DNASE1L3: variants seen among roughly 807,000 people sequenced by gnomAD.
The protein encoded by DNASE1L3 is deoxyribonuclease gamma.
DNASE1L3 carries 27 observed loss-of-function variants against 30.9 expected under a neutral mutation model. The ratio of observed to expected loss-of-function variants is 0.87; its 90% CI spans 0.64 to 1.20. DNASE1L3 has a LOEUF of 1.20. Ranked by LOEUF, DNASE1L3 falls within the 50% of genes most tolerant of loss-of-function variation. The pLI, the probability that DNASE1L3 is intolerant of heterozygous loss-of-function variation, is 0.00. For synonymous variants in DNASE1L3, 135 were observed against 138.0 expected (o/e 0.98, Z 0.15); for missense variants, 364 against 378.2 (o/e 0.96, Z 0.31).
intron 3 of DNASE1L3, among the ~76,000 whole-genome samples, chr3:58,205,146 A>C (rs955692909): frequency 8.5e-5 from 13 of 152,230 alleles, no homozygotes; most frequent in Non-Finnish European, 1.5e-4. Flanking sequence ...TAGCAGGAAG[A>C]GGAAAAGAAT....
intron 5 of DNASE1L3, among the ~76,000 whole-genome samples, chr3:58,198,628 A>C (rs773239304): frequency 1.3e-4 from 20 of 152,230 alleles, no homozygotes; most frequent in South Asian, 2.1e-4. Context: ...TAGTCGCCAC[A>C]TTTCCATAAT....
At chr3:58,204,655 C>A (rs2107377873) in intron 4 of DNASE1L3, 114 bp downstream of exon 4, 2 of 784,104 alleles carry the variant, frequency 2.6e-6, no homozygotes, top group Non-Finnish European at 4.2e-6. Flanking sequence ...GTATTAGAAG[C>A]AATGCACTGT....
chr3:58,210,775 G>A lies in DNASE1L3; in HGVS notation c.132C>T (p.Val44=). The A allele has an allele frequency of 1.2e-6, 2 of 1,614,140 alleles. No homozygotes were observed. Among genetic ancestry groups the A allele is most frequent in the Non-Finnish European group, 8.5e-7 (1 of 1,180,028 alleles). ...CAGGAAAGGGGCTCACCTTCACAAT[G>A]ACATCCATGGCATTCTTGTCTTCCT... ...SKQEDKNAMD[V]IVKVIKRCDI... is the part of the protein sequence containing the mutation. The change falls in exon 1 of 8, where the codon GTC becomes GTT. Residue 44 remains valine (V), a synonymous_variant. Transcript: ENST00000394549.
chr3:58,194,819 G>A (rs932182975), intron 6 of DNASE1L3, among the ~76,000 whole-genome samples: 6 of 151,740 alleles, frequency 4.0e-5, no homozygotes, highest in African/African-American at 7.3e-5. Flanking sequence ...TAGTAGAGAC[G>A]GGGTTTCACT....
chr3:58,204,436 C>T (rs770403374), intron 4 of DNASE1L3, among the ~76,000 whole-genome samples: 1 of 152,118 alleles, frequency 6.6e-6, no homozygotes. Context: ...CCACCGCACC[C>T]AGCCAGGATT....
intron 2 of DNASE1L3, among the ~76,000 whole-genome samples, chr3:58,206,996 T>C (rs541988244): frequency 1.3e-5 from 2 of 152,240 alleles, no homozygotes. Context: ...TGGGGGATGA[T>C]GGCACCAGGA....
chr3:58,205,646 A>C, intron 2 of DNASE1L3, 86 bp from the exon 3 acceptor site: 1 of 1,138,320 alleles, frequency 8.8e-7, no homozygotes, highest in Non-Finnish European at 1.3e-6. Flanking sequence ...CTGCCTCCAT[A>C]CGCCCAATGG....
chr3:58,198,605 T>C (rs1445228456), intron 5 of DNASE1L3, among the ~76,000 whole-genome samples: 1 of 152,192 alleles, frequency 6.6e-6, no homozygotes, highest in Non-Finnish European at 1.5e-5. Context: ...GGAAGGAGAA[T>C]GTTTGCTGTT....
chr3:58,195,765 G>A lies in DNASE1L3; in HGVS notation c.704+2056C>T, dbSNP rs183628607. On this transcript the variant is annotated intron_variant, in intron 6 of 7. Transcript: ENST00000394549. ...CCTGCCACTGCACTCCAGCCTGGGC[G>A]ACAGAGCAGGACTCTGTCTCAAAAA... Among the ~76,000 whole-genome samples the A allele has an allele frequency of 1.6e-3, 249 of 151,824 alleles. 1 individual carries two copies. Among genetic ancestry groups the A allele is most frequent in the South Asian group, 4.0e-3 (19 of 4,796 alleles).
chr3:58,192,693 G>A lies in DNASE1L3; in HGVS notation c.912C>T (p.Arg304=). The change falls in exon 8 of 8, where the codon CGC becomes CGT. Residue 304 remains arginine, a synonymous_variant. Coordinates refer to ENST00000394549, the MANE Select transcript of DNASE1L3 (RefSeq NM_004944.4). This position sits in a 1 kb window ranked among gnomAD's most constrained non-coding sequence, Gnocchi z 4.8. ...TAAGATGAGACCCTTGGGTCTAGGA[G>A]CGTTTGCTCTTTGTTTTCTTCCTTA... ...VTLRKKTKSK[R]S The A allele has an allele frequency of 6.2e-7, 1 of 1,614,072 alleles. No homozygotes were observed. Among genetic ancestry groups the A allele is most frequent in the Non-Finnish European group, 8.5e-7 (1 of 1,179,980 alleles).
intron 1 of DNASE1L3, among the ~76,000 whole-genome samples, chr3:58,210,018 C>T (rs1378743086): frequency 1.3e-5 from 2 of 148,676 alleles, no homozygotes; most frequent in Non-Finnish European, 3.0e-5. Flanking sequence ...AAAGCGTAAG[C>T]GAAAGTGGAA....
At chr3:58,202,317 G>GTTTTTTTTTTT (rs1171213238) in intron 4 of DNASE1L3, among the ~76,000 whole-genome samples, 2 of 48,826 alleles carry the variant, frequency 4.1e-5, no homozygotes, top group Non-Finnish European at 7.0e-5. Flanking sequence ...GGCTAGCTTT[G>GTTTTTTTTTTT]TTTTTTTTTT....
intron 1 of DNASE1L3, 100 bp from the exon 2 acceptor site, chr3:58,208,406 T>C: frequency 8.1e-7 from 1 of 1,227,986 alleles, no homozygotes; most frequent in Non-Finnish European, 1.2e-6. Flanking sequence ...CACTGAGTGC[T>C]TATTAAAATA....
intron 5 of DNASE1L3, among the ~76,000 whole-genome samples, chr3:58,198,515 C>A (rs192283761): frequency 3.9e-5 from 6 of 152,286 alleles, no homozygotes; most frequent in African/African-American, 1.2e-4. Context: ...TTAAAAATTT[C>A]TTTTTGTTGT....
At chr3:58,203,218 C>A (rs771896947) in intron 4 of DNASE1L3, among the ~76,000 whole-genome samples, 1 of 152,212 alleles carries the variant, frequency 6.6e-6, no homozygotes, top group Non-Finnish European at 1.5e-5. Flanking sequence ...CAGGGCCCCA[C>A]GTGTCCTCAT....
At position 58,205,569 on chromosome 3, in the gene DNASE1L3, C is replaced by G. The variant is rs188393900; in HGVS notation, c.231-9G>C. 83 of 1,609,758 alleles carry G rather than the reference C, an allele frequency of 5.2e-5. No homozygotes were observed. In the East Asian group the frequency reaches 1.4e-3, roughly 28 times the overall value. On this transcript the variant is annotated splice_polypyrimidine_tract_variant and intron_variant, in intron 2 of 7. Transcript: ENST00000394549. ...TGCCTCTCCTTGAATTTCTAGAAAACAAAGATTTAACACTGCATCTTGAAG... is the reference window on the plus strand; with the variant it reads ...TGCCTCTCCTTGAATTTCTAGAAAAGAAAGATTTAACACTGCATCTTGAAG...
At chr3:58,206,321 T>C (rs183938908) in intron 2 of DNASE1L3, among the ~76,000 whole-genome samples, 6 of 151,970 alleles carry the variant, frequency 3.9e-5, no homozygotes, top group Admixed American at 6.6e-5. Flanking sequence ...TCAGATTCAG[T>C]TGGAAAAAAA....
In DNASE1L3 at chr3:58,210,895, C is replaced by T; in HGVS notation, c.12G>A (p.Glu4=). The T allele has an allele frequency of 6.2e-7, 1 of 1,613,900 alleles. No homozygotes were observed. The highest frequency in any genetic ancestry group is 1.1e-5 in the South Asian group (1 of 91,062). MSR[E]LAPLLLLLLS... ...GGAGGAGAAGCAGCAGTGGGGCCAG[C>T]TCCCGTGACATCCTGGCGCTGCTCT... Residue 4 remains glutamate, a synonymous_variant, in exon 1 of 8, where the codon GAG becomes GAA. Coordinates refer to ENST00000394549, the MANE Select transcript of DNASE1L3 (RefSeq NM_004944.4).
Position 58,198,000 on chromosome 3 carries a change from T to C in DNASE1L3, c.547-22A>G. The C allele has an allele frequency of 6.3e-7, 1 of 1,589,612 alleles. No individual in the cohort carries two copies. The highest frequency in any genetic ancestry group is 8.6e-7 in the Non-Finnish European group (1 of 1,167,472). On this transcript the variant is annotated intron_variant, in intron 5 of 7. Coordinates refer to ENST00000394549, the MANE Select transcript of DNASE1L3 (RefSeq NM_004944.4). The surrounding 1 kb of genome is among the most constrained non-coding windows in gnomAD (Gnocchi z 5.3). ...AATTCTAAAAGACAAGATTTGGAAC[T>C]GTCACCTGGTGGGTGCTGCTGCAGA...
Sources: allele counts gnomAD v4.1 joint callset (sites outside exome capture counted in the v4.1 genomes callset), GRCh38; gene constraint gnomAD v4.1.1; non-coding constraint Gnocchi (gnomAD v3.1); transcripts MANE v1.5; gene names NCBI Gene and HGNC (gene_info 2026-07-23, HGNC 2026-07-21).